TG: variants seen among roughly 807,000 people sequenced by gnomAD.
The protein encoded by TG is thyroid hormones.
In TG, 270 loss-of-function variants were observed where a neutral mutation model predicts 324.7. That is an observed-to-expected ratio of 0.83 (90% CI 0.75 to 0.92). The LOEUF is 0.92. Among genes scored for constraint, TG ranks in the 40% least tolerant of loss-of-function variants. The probability of loss-of-function intolerance (pLI) is 0.00; values close to 1 mark genes in which losing one functional copy is unlikely to be tolerated. For synonymous variants in TG, 1,401 were observed against 1,327.0 expected, an observed-to-expected ratio of 1.06 and a Z score of -1.21; for missense variants, 3,591 against 3,456.4, an observed-to-expected ratio of 1.04 and a Z score of -0.98.
chr8:133,120,784 T>C (rs1851083258), intron 45 of TG, among the ~76,000 whole-genome samples: 2 of 152,248 alleles, frequency 1.3e-5, no homozygotes, highest in South Asian at 4.1e-4. Context: ...CAACATATCT[T>C]TTTGAGGGAG....
intron 40 of TG, among the ~76,000 whole-genome samples, chr8:133,022,876 C>T (rs760535090): frequency 2.6e-5 from 4 of 152,198 alleles, no homozygotes; most frequent in African/African-American, 4.8e-5. Flanking sequence ...GACCCTCAGA[C>T]AAAACCTTTC....
intron 5 of TG, among the ~76,000 whole-genome samples, chr8:132,879,856 G>T (rs553318691): frequency 6.0e-4 from 92 of 152,344 alleles, no homozygotes; most frequent in African/African-American, 2.0e-3. Flanking sequence ...TAAAGTGGTA[G>T]GATGAAGATG....
At chr8:132,971,089 T>C (rs1029778187) in intron 32 of TG, among the ~76,000 whole-genome samples, 1 of 151,994 alleles carries the variant, frequency 6.6e-6, no homozygotes, top group African/African-American at 2.4e-5. Flanking sequence ...AGCAGAGTGG[T>C]CGGGGCAGGG....
intron 47 of TG, 83 bp downstream of exon 47, chr8:133,133,743 G>T (rs367747729): frequency 1.3e-6 from 2 of 1,497,818 alleles, no homozygotes; most frequent in Non-Finnish European, 1.8e-6. Context: ...CCTGTGCTGC[G>T]CGCGCATTGG....
chr8:132,917,656 G>C (rs56206910), intron 20 of TG, among the ~76,000 whole-genome samples: 2,130 of 152,082 alleles, frequency 0.014, 25 homozygotes, highest in Non-Finnish European at 0.023. Flanking sequence ...AAGCTGGAGA[G>C]AGAGAGGACC....
At chr8:132,886,351 T>A in intron 8 of TG, 97 bp from the exon 9 acceptor site, 1 of 1,520,326 alleles carries the variant, frequency 6.6e-7, no homozygotes, top group Non-Finnish European at 9.1e-7. Flanking sequence ...CTTGATTGAA[T>A]GTTCTGGCTT....
intron 27 of TG, among the ~76,000 whole-genome samples, chr8:132,951,389 G>A (rs1438201225): frequency 2.0e-5 from 3 of 152,192 alleles, no homozygotes; most frequent in Non-Finnish European, 4.4e-5. Context: ...TTTATATGAT[G>A]AGTAGTAAAC....
At chr8:133,032,897 A>G (rs2131005238) in intron 41 of TG, among the ~76,000 whole-genome samples, 1 of 152,240 alleles carries the variant, frequency 6.6e-6, no homozygotes, top group African/African-American at 2.4e-5. Context: ...ACTTTATTTT[A>G]TTTTTCAACC....
chr8:133,118,423 C>A (rs950524645), intron 45 of TG, among the ~76,000 whole-genome samples: 2 of 147,710 alleles, frequency 1.4e-5, no homozygotes, highest in Non-Finnish European at 3.0e-5. Context: ...CTCCCGGATT[C>A]AAGCAATTCT....
In TG at chr8:133,128,596, A is replaced by G. The variant is rs1381243209; in HGVS notation, c.7863-3216A>G. ...TTTACTGACAGGAAAACCAAGGCTT[A>G]GAGATTCAGCAGTGGAAGTGGGACT... On this transcript the variant is annotated intron_variant, in intron 45 of 47. Coordinates refer to ENST00000220616, the MANE Select transcript of TG (RefSeq NM_003235.5). 2.0e-5 allele frequency among the ~76,000 whole-genome samples: 3 copies of G among 152,222 alleles called. No individual in the cohort carries two copies. In the East Asian group the frequency reaches 5.8e-4, roughly 29 times the overall value.
intron 36 of TG, 76 bp from the exon 37 acceptor site, chr8:133,013,524 T>C (rs1290017117): frequency 4.4e-6 from 7 of 1,574,616 alleles, no homozygotes; most frequent in Admixed American, 3.3e-5. Flanking sequence ...GATGGTTGGA[T>C]GGATGACTGG....
chr8:133,009,687 G>A (rs1013452600), intron 35 of TG, among the ~76,000 whole-genome samples: 5 of 151,578 alleles, frequency 3.3e-5, no homozygotes, highest in East Asian at 1.9e-4. Context: ...TGATGGGGTC[G>A]GTGCCCTTCT....
At chr8:132,930,700 G>A (rs1039345696) in intron 23 of TG, among the ~76,000 whole-genome samples, 2 of 149,526 alleles carry the variant, frequency 1.3e-5, no homozygotes, top group Non-Finnish European at 3.0e-5. Context: ...AAAAAAAAAG[G>A]AAGGGCAAAC....
chr8:133,122,740 G>C (rs1026228362), intron 45 of TG, among the ~76,000 whole-genome samples: 4 of 152,204 alleles, frequency 2.6e-5, no homozygotes, highest in African/African-American at 9.7e-5. Context: ...CTCTGCGTGT[G>C]AGTGTATGCA....
intron 27 of TG, among the ~76,000 whole-genome samples, chr8:132,959,813 G>A (rs1827491959): frequency 6.6e-6 from 1 of 152,172 alleles, no homozygotes; most frequent in Non-Finnish European, 1.5e-5. Flanking sequence ...GAAGGTTTTT[G>A]TGCAAGCTTG....
chr8:132,890,987 G>A (rs1816155752), intron 10 of TG, among the ~76,000 whole-genome samples: 5 of 152,208 alleles, frequency 3.3e-5, no homozygotes, highest in Admixed American at 2.0e-4. Context: ...GATGGTGTCT[G>A]CTCTGAGAAG....
intron 29 of TG, 42 bp from the exon 30 acceptor site, chr8:132,966,518 G>C (rs1481655925): frequency 6.2e-7 from 1 of 1,612,248 alleles, no homozygotes; most frequent in Non-Finnish European, 8.5e-7. Context: ...ATATTCACTA[G>C]AGTTAAAGGT....
At chr8:132,921,486 C>A (rs567878890) in intron 21 of TG, among the ~76,000 whole-genome samples, 2 of 152,270 alleles carry the variant, frequency 1.3e-5, no homozygotes, top group African/African-American at 4.8e-5. Context: ...GACTCATTAA[C>A]CCGCATTGAA....
intron 19 of TG, among the ~76,000 whole-genome samples, chr8:132,912,319 T>A (rs936597449): frequency 2.0e-5 from 3 of 151,950 alleles, no homozygotes; most frequent in African/African-American, 7.3e-5. Flanking sequence ...CTGGATAATG[T>A]GGGTATGTTT....
Sources: gnomAD v4.1 joint callset for allele counts (sites outside exome capture counted in the v4.1 genomes callset) on GRCh38, gnomAD v4.1.1 for gene constraint, MANE v1.5 for transcripts, NCBI Gene and HGNC (gene_info 2026-07-23, HGNC 2026-07-21) for gene names.